Variants in KRT83 observed in about 807,000 individuals in gnomAD.
KRT83 encodes the protein keratin, type II cuticular Hb3.
KRT83 carries 51 observed loss-of-function variants against 52.9 expected under a neutral mutation model. The ratio of observed to expected loss-of-function variants is 0.96; its 90% CI spans 0.77 to 1.22. KRT83 has a LOEUF of 1.22. Ranked by LOEUF, KRT83 falls within the 50% of genes most tolerant of loss-of-function variation. The probability of loss-of-function intolerance (pLI) is 0.00; values close to 1 mark genes in which losing one functional copy is unlikely to be tolerated. For missense variants in KRT83, 654 were observed against 666.5 expected (o/e 0.98, Z 0.21); for synonymous variants, 278 against 274.1 (o/e 1.01, Z -0.14).
chr12:52,320,517 C>A (rs754982929), intron 1 of KRT83, among the ~76,000 whole-genome samples: 1 of 152,158 alleles, frequency 6.6e-6, no homozygotes, highest in Non-Finnish European at 1.5e-5. Flanking sequence ...GCTCAGTGGC[C>A]AAATCACTGT....
chr12:52,320,175 T>C (rs199627836), intron 1 of KRT83, among the ~76,000 whole-genome samples: 1 of 147,486 alleles, frequency 6.8e-6, no homozygotes, highest in Non-Finnish European at 1.5e-5. Flanking sequence ...CATTTTTTTT[T>C]CCCGATCCTT....
chr12:52,318,765 G>A (rs533783292), intron 2 of KRT83, among the ~76,000 whole-genome samples: 3 of 152,248 alleles, frequency 2.0e-5, no homozygotes, highest in Non-Finnish European at 4.4e-5. Context: ...AACCCGCACT[G>A]TGTGGCTTGC....
chr12:52,318,065 C>G, intron 2 of KRT83, 95 bp from the exon 3 acceptor site: 1 of 1,140,334 alleles, frequency 8.8e-7, no homozygotes, highest in Admixed American at 1.7e-5. Context: ...AGACCTCCCC[C>G]TGCTTGTCTC....
chr12:52,317,272 G>A (rs1345548381), intron 4 of KRT83, among the ~76,000 whole-genome samples: 3 of 152,154 alleles, frequency 2.0e-5, no homozygotes, highest in Non-Finnish European at 2.9e-5. Context: ...GCTTTCCAGG[G>A]GCTCAGACCC....
intron 4 of KRT83, 42 bp downstream of exon 4, chr12:52,317,637 TCC>T (rs1470217999): frequency 6.3e-7 from 1 of 1,597,376 alleles, no homozygotes; most frequent in Non-Finnish European, 8.6e-7. Context: ...GGGTCAGGGA[TCC>T]CATGGGGGGA....
intron 2 of KRT83, 39 bp from the exon 3 acceptor site, chr12:52,318,009 C>T (rs1262208527): frequency 1.3e-6 from 2 of 1,581,126 alleles, no homozygotes; most frequent in Non-Finnish European, 8.7e-7. Context: ...GTCTGAACAG[C>T]TCTTGATCTT....
rs146734638 is a variant in KRT83, at chr12:52,316,514, C to T, written c.995G>A (p.Arg332His). The T allele has an allele frequency of 8.3e-5, 134 of 1,614,036 alleles. No homozygotes were observed. The highest frequency in any genetic ancestry group is 1.6e-4 in the Middle Eastern group (1 of 6,084). Residue 332 changes from arginine to histidine, a missense_variant, in exon 6 of 9, where the codon CGC becomes CAC. By Grantham distance (29) the Arg-to-His change is conservative (BLOSUM62 0). Coordinates refer to ENST00000293670, the MANE Select transcript of KRT83 (RefSeq NM_002282.3). ...CTCGGCTGTCAGCCTCTGGATCATGCGGTTCAGCTCGTTGATCTCCTCCTT... is the reference window on the plus strand; with the variant it reads ...CTCGGCTGTCAGCCTCTGGATCATGTGGTTCAGCTCGTTGATCTCCTCCTT... ...RTKEEINELN[R>H]MIQRLTAEVE...
rs3741715 is a variant in KRT83, at chr12:52,319,191, G to A, written c.558C>T (p.Asn186=). The A allele has an allele frequency of 0.3, 491,604 of 1,613,278 alleles. 76,260 individuals carry two copies. Among genetic ancestry groups the A allele is most frequent in the East Asian group, 0.47 (21,197 of 44,838 alleles). The change falls in exon 2 of 9, where the codon AAC becomes AAT. Residue 186 remains asparagine, a synonymous_variant. Transcript: ENST00000293670. The part of the protein sequence containing the change: ...ADSGRLASEL[N]HVQEVLEGYK... Reference sequence around the variant, plus strand: ...AGCCCTCCAGCACCTCCTGCACGTGGTTGAGCTCTGAGGCCAGCCTCCCAC... The same window carrying A: ...AGCCCTCCAGCACCTCCTGCACGTGATTGAGCTCTGAGGCCAGCCTCCCAC...
At chr12:52,315,818 T>C (rs1938676975) in intron 7 of KRT83, 75 bp downstream of exon 7, 3 of 1,597,496 alleles carry the variant, frequency 1.9e-6, no homozygotes, top group Admixed American at 3.3e-5. Context: ...ACCTGGGGAC[T>C]GAGACTGAGA....
Position 52,321,353 on chromosome 12 carries a change from G to A in KRT83, c.-18C>T, listed in dbSNP as rs1306698706. Reference sequence around the variant, plus strand: ...CAGGTCATGACGGAGGTTAGGAGGTGTCTGAACAGTGGAGTAGATGGCAGA... The same window carrying A: ...CAGGTCATGACGGAGGTTAGGAGGTATCTGAACAGTGGAGTAGATGGCAGA... On this transcript the variant is annotated 5_prime_UTR_variant, in exon 1 of 9. Transcript: ENST00000293670. 1 of 1,613,666 alleles carries A rather than the reference G, an allele frequency of 6.2e-7. No homozygotes were observed. The highest frequency in any genetic ancestry group is 1.3e-5 in the African/African-American group (1 of 75,068).
Position 52,319,170 on chromosome 12 carries a change from C to G in KRT83, c.579G>C (p.Glu193Asp). 1.9e-6 allele frequency: 3 copies of G among 1,613,404 alleles called. No individual in the cohort carries two copies. Among genetic ancestry groups the G allele is most frequent in the Non-Finnish European group, 2.5e-6 (3 of 1,179,866 alleles). The change falls in exon 2 of 9, where the codon GAG (glutamate) becomes GAC (aspartate). Residue 193 changes from glutamate to aspartate, a missense_variant. Transcript: ENST00000293670. ...CCCACACTCACTTCTTCTTGTAGCCCTCCAGCACCTCCTGCACGTGGTTGA... is the reference window on the plus strand; with the variant it reads ...CCCACACTCACTTCTTCTTGTAGCCGTCCAGCACCTCCTGCACGTGGTTGA... ...SELNHVQEVL[E>D]GYKKKYEEEV... is the part of the protein sequence containing the mutation.
Position 52,316,456 on chromosome 12 carries a change from G to A in KRT83, c.1041+12C>T, listed in dbSNP as rs201756344. On this transcript the variant is annotated intron_variant, in intron 6 of 8. Transcript: ENST00000293670. ...CTCTTCCTACACTGAGGGGTGGGCC[G>A]GGCTCTGGTACCTGGCACTTGGCAT... 1.2e-4 allele frequency: 189 copies of A among 1,614,026 alleles called. No individual in the cohort carries two copies. The East Asian group carries it at 2.3e-3, about 20-fold the overall frequency.
intron 7 of KRT83, 25 bp from the exon 8 acceptor site, chr12:52,315,368 G>A (rs1938670227): frequency 1.9e-6 from 3 of 1,613,008 alleles, no homozygotes; most frequent in Admixed American, 1.7e-5. Context: ...AGTAAGGAAG[G>A]GGAAGATAAA....
At position 52,317,750 on chromosome 12, in the gene KRT83, C is replaced by T. The variant is rs1446166847; in HGVS notation, c.681G>A (p.Lys227=). ...CCTCCACGTTGGCCTCCAGGTCTGA[C>T]TTGCGGAGGTAGGCGCAGTCCACAT... ...KKDVDCAYLR[K]SDLEANVEAL... is the part of the protein sequence containing the mutation. Residue 227 remains lysine (K), a synonymous_variant, in exon 4 of 9, where the codon AAG becomes AAA. Transcript: ENST00000293670. 6.2e-7 allele frequency: 1 copy of T among 1,613,682 alleles called. No homozygotes were observed. The highest frequency in any genetic ancestry group is 8.5e-7 in the Non-Finnish European group (1 of 1,179,978).
intron 7 of KRT83, among the ~76,000 whole-genome samples, chr12:52,315,555 A>G (rs887815237): frequency 1.3e-5 from 2 of 152,176 alleles, no homozygotes; most frequent in Admixed American, 1.3e-4. Flanking sequence ...TTCAATTCTT[A>G]TTTGTCTCTC....
rs527719237 is a variant in KRT83 at position 52,314,718 on chromosome 12, G to A, written c.1395C>T (p.Asn465=). ...TGCACAAACCAGTGCTCACCACCAG[G>A]TTCCCGTTGCAGGGGGCACTGCAGA... ...GSVCSAPCNG[N]LVVSTGLCKP... Residue 465 remains asparagine (N), a synonymous_variant, in exon 9 of 9, where the codon AAC becomes AAT. Transcript: ENST00000293670. The A allele has an allele frequency of 4.4e-6, 7 of 1,587,980 alleles. No individual in the cohort carries two copies. Among genetic ancestry groups the A allele is most frequent in the African/African-American group, 2.7e-5 (2 of 74,680 alleles).
Position 52,317,989 on chromosome 12 carries a change from A to C in KRT83, c.594-19T>G, listed in dbSNP as rs373765995. On this transcript the variant is annotated intron_variant, in intron 2 of 8. Transcript: ENST00000293670. ...TTCATACCTGAGGTGAGCAGGGAGA[A>C]CAGGACCTTGTCTGAACAGCTCTTG... 5.0e-5 allele frequency: 81 copies of C among 1,611,528 alleles called. No homozygotes were observed. In the African/African-American group the frequency reaches 1.0e-3, roughly 20 times the overall value.
intron 6 of KRT83, 85 bp downstream of exon 6, chr12:52,316,383 C>A: frequency 6.3e-7 from 1 of 1,597,306 alleles, no homozygotes; most frequent in Non-Finnish European, 8.6e-7. Flanking sequence ...ACTGGGAAGA[C>A]TTTTCCAGAA....
At chr12:52,315,228 T>C (rs1267067331) in intron 8 of KRT83, 84 bp downstream of exon 8, 9 of 1,381,236 alleles carry the variant, frequency 6.5e-6, no homozygotes, top group Non-Finnish European at 9.3e-6. Flanking sequence ...GAAACACTCC[T>C]CCCAAAGTCT....
Sources: gnomAD v4.1 joint callset for allele counts (sites outside exome capture counted in the v4.1 genomes callset) on GRCh38, gnomAD v4.1.1 for gene constraint, MANE v1.5 for transcripts, NCBI Gene and HGNC (gene_info 2026-07-23, HGNC 2026-07-21) for gene names.